LIMS1: variants seen among roughly 807,000 people sequenced by gnomAD.
LIMS1 encodes LIM and senescent cell antigen-like-containing domain protein 1.
LIMS1 carries 18 observed loss-of-function variants against 44.1 expected under a neutral mutation model. The ratio of observed to expected loss-of-function variants is 0.41; its 90% CI spans 0.28 to 0.61. The LOEUF (loss-of-function observed/expected upper bound fraction) is 0.61, where lower values mean the gene tolerates loss of function less well. LIMS1 is among the 20% of genes least tolerant of loss of function. The pLI is 0.32. For missense variants in LIMS1, 201 were observed against 422.0 expected, an observed-to-expected ratio of 0.48 and a Z score of 4.59; for synonymous variants, 93 against 149.1, an observed-to-expected ratio of 0.62 and a Z score of 2.74.
exon 5 of LIMS1, chr2:108,672,990 A>G (rs1558840567): frequency 7.5e-7 from 1 of 1,330,056 alleles, no homozygotes; most frequent in Middle Eastern, 2.7e-4. Context: ...TTCAAGAACG[A>G]CCCCTACCAT....
chr2:108,556,031 A>G (rs1251582438), intron 1 of LIMS1, among the ~76,000 whole-genome samples: 1 of 152,110 alleles, frequency 6.6e-6, no homozygotes, highest in Non-Finnish European at 1.5e-5. Context: ...TACCATCATA[A>G]TCATTTTTAA....
intron 1 of LIMS1, among the ~76,000 whole-genome samples, chr2:108,554,847 C>T (rs1179408754): frequency 6.6e-6 from 1 of 152,100 alleles, no homozygotes; most frequent in Non-Finnish European, 1.5e-5. Context: ...AGAGAGGGAC[C>T]AGGAGCATAA....
At chr2:108,549,275 GTTTCTTTT>G (rs1684597451) in intron 1 of LIMS1, among the ~76,000 whole-genome samples, 5 of 86,492 alleles carry the variant, frequency 5.8e-5, no homozygotes, top group Admixed American at 4.5e-4. Context: ...CAAGTAAAGT[GTTTCTTTT>G]TTTTTTTTTT....
chr2:108,642,361 TTTTG>T (rs1558824137), intron 1 of LIMS1, among the ~76,000 whole-genome samples: 891 of 21,442 alleles, frequency 0.042, 54 homozygotes, highest in African/African-American at 0.082. Context: ...TTTTTTTGTT[TTTTG>T]TTTTTTTTTT....
At chr2:108,638,101 C>T (rs1268063195) in intron 1 of LIMS1, among the ~76,000 whole-genome samples, 1 of 152,236 alleles carries the variant, frequency 6.6e-6, no homozygotes, top group East Asian at 1.9e-4. Context: ...CTGCCTCAGC[C>T]TCCCAAAGTG....
intron 2 of LIMS1, 41 bp from the exon 3 acceptor site, chr2:108,670,740 A>G: frequency 6.2e-7 from 1 of 1,611,674 alleles, no homozygotes; most frequent in Non-Finnish European, 8.5e-7. Flanking sequence ...TTCTCCTGTG[A>G]TTGTTTCGTG....
intron 1 of LIMS1, among the ~76,000 whole-genome samples, chr2:108,608,878 A>C (rs1687427438): frequency 6.6e-6 from 1 of 152,154 alleles, no homozygotes; most frequent in African/African-American, 2.4e-5. Context: ...ATGAAATAGT[A>C]TGTGAAGCAT....
At chr2:108,588,170 G>A (rs1207744610) in intron 1 of LIMS1, 1 of 193,390 alleles carries the variant, frequency 5.2e-6, no homozygotes, top group Non-Finnish European at 9.4e-6. Flanking sequence ...AAACAACTTA[G>A]CAGGATATGA....
At chr2:108,551,742 A>G (rs1206304711) in intron 1 of LIMS1, among the ~76,000 whole-genome samples, 2 of 146,480 alleles carry the variant, frequency 1.4e-5, no homozygotes, top group African/African-American at 2.5e-5. Context: ...TATGATATAC[A>G]ATATACATAC....
At chr2:108,632,261 G>A (rs1451734501) in intron 1 of LIMS1, among the ~76,000 whole-genome samples, 7 of 152,208 alleles carry the variant, frequency 4.6e-5, no homozygotes, top group African/African-American at 1.4e-4. Context: ...TTGAGTCACC[G>A]TGCCCAGCTG....
Position 108,611,923 on chromosome 2 carries a change from TATATATATACATATATAAA to T in LIMS1, c.33-47665_33-47647del, listed in dbSNP as rs1307560151. On this transcript the variant is annotated intron_variant, in intron 1 of 9. Transcript: ENST00000544547. ...ATATAAAATATACACACATATAAAA[TATATATATACATATATAAA>T]ATATATATACATATATTATATATAC... is the stretch of plus-strand genomic sequence containing the variant. Among the ~76,000 whole-genome samples, 392 of 143,162 alleles carry T rather than the reference TATATATATACATATATAAA, an allele frequency of 2.7e-3. 2 individuals are homozygous for T. Among genetic ancestry groups the T allele is most frequent in the African/African-American group, 9.5e-3 (371 of 38,936 alleles). The allele number at this position is 143,162 out of a possible 152,430, so 93.9% of individuals were successfully genotyped here.
chr2:108,617,090 G>A lies in LIMS1; in HGVS notation c.33-42515G>A, dbSNP rs528432767. 2.5e-4 allele frequency among the ~76,000 whole-genome samples: 38 copies of A among 152,180 alleles called. No homozygotes were observed. The South Asian group carries it at 7.7e-3, about 31-fold the overall frequency. On this transcript the variant is annotated intron_variant, in intron 1 of 9. Coordinates refer to ENST00000544547, the Ensembl canonical transcript of LIMS1. The stretch of plus-strand genomic sequence containing the variant: ...ATGTACAGCTGCTCAACCAGTTTAC[G>A]AGCCATTAGTACCTAGTGTACTGGC...
chr2:108,613,522 A>G (rs528646396), intron 1 of LIMS1, among the ~76,000 whole-genome samples: 1 of 151,298 alleles, frequency 6.6e-6, no homozygotes, highest in African/African-American at 2.4e-5. Flanking sequence ...CTCTGTGTCC[A>G]CTCTCCTTGC....
At chr2:108,560,614 C>T (rs1359177336) in intron 1 of LIMS1, among the ~76,000 whole-genome samples, 2 of 151,968 alleles carry the variant, frequency 1.3e-5, no homozygotes, top group Non-Finnish European at 2.9e-5. Flanking sequence ...TTGCCCCCTC[C>T]CTGCTTGCTT....
intron 1 of LIMS1, among the ~76,000 whole-genome samples, chr2:108,585,267 G>A (rs920333119): frequency 2.0e-5 from 3 of 152,064 alleles, no homozygotes; most frequent in African/African-American, 7.2e-5. Context: ...GTGATAGCAG[G>A]TTCCTTAGAC....
At chr2:108,652,712 G>C (rs921035295) in intron 1 of LIMS1, among the ~76,000 whole-genome samples, 5 of 152,160 alleles carry the variant, frequency 3.3e-5, no homozygotes, top group African/African-American at 1.2e-4. Context: ...CTGTACTGTA[G>C]TCACGTAAGA....
At chr2:108,572,192 A>C (rs1221542343) in intron 1 of LIMS1, among the ~76,000 whole-genome samples, 1 of 151,646 alleles carries the variant, frequency 6.6e-6, no homozygotes, top group Non-Finnish European at 1.5e-5. Flanking sequence ...CTTTGTGTAC[A>C]TTTCTGTTGT....
At chr2:108,566,912 T>G (rs914998241) in intron 1 of LIMS1, among the ~76,000 whole-genome samples, 9 of 152,196 alleles carry the variant, frequency 5.9e-5, no homozygotes, top group Non-Finnish European at 1.3e-4. Flanking sequence ...TAACACTTTT[T>G]AAGTGTGTAG....
intron 1 of LIMS1, among the ~76,000 whole-genome samples, chr2:108,624,352 AAAT>A (rs1199861884): frequency 6.6e-6 from 1 of 152,234 alleles, no homozygotes; most frequent in Non-Finnish European, 1.5e-5. Flanking sequence ...TGCCCTTTAA[AAAT>A]TCTCAAAGTT....
Sources: allele counts gnomAD v4.1 joint callset (sites outside exome capture counted in the v4.1 genomes callset), GRCh38; gene constraint gnomAD v4.1.1; transcripts MANE v1.5; gene names NCBI Gene and HGNC (gene_info 2026-07-23, HGNC 2026-07-21).